The following TEKT5 variants were observed in gnomAD, a reference collection of about 807,000 sequenced individuals.
TEKT5 encodes the protein tektin 5.
In TEKT5, 52 loss-of-function variants were observed where a neutral mutation model predicts 48.7. The ratio of observed to expected loss-of-function variants is 1.07; its 90% CI spans 0.86 to 1.35. TEKT5 has a LOEUF of 1.35. Ranked by LOEUF, TEKT5 falls within the 40% of genes most tolerant of loss-of-function variation. TEKT5 has a pLI of 0.00. For synonymous variants in TEKT5, 318 were observed against 267.6 expected (o/e 1.19, Z -1.84); for missense variants, 831 against 641.6 (o/e 1.30, Z -3.19).
chr16:10,628,715 G>T (rs947398688), intron 6 of TEKT5, among the ~76,000 whole-genome samples: 4 of 152,034 alleles, frequency 2.6e-5, no homozygotes, highest in Non-Finnish European at 5.9e-5. Flanking sequence ...GACCAGCCTG[G>T]CCAACATGGT....
At chr16:10,681,464 G>A (rs1596417439) in intron 4 of TEKT5, among the ~76,000 whole-genome samples, 2 of 151,796 alleles carry the variant, frequency 1.3e-5, no homozygotes, top group African/African-American at 4.8e-5. Context: ...CTCCAGCCTT[G>A]GCCTCCCAAA....
At chr16:10,661,705 T>C (rs1898374494) in intron 5 of TEKT5, among the ~76,000 whole-genome samples, 1 of 152,180 alleles carries the variant, frequency 6.6e-6, no homozygotes, top group South Asian at 2.1e-4. Flanking sequence ...CCAGTGGTAT[T>C]CGGATTCCAG....
intron 5 of TEKT5, among the ~76,000 whole-genome samples, chr16:10,660,437 C>T (rs756899540): frequency 9.9e-5 from 15 of 151,982 alleles, no homozygotes; most frequent in Non-Finnish European, 1.6e-4. Context: ...AAAGGTCAGT[C>T]AGGAGGCCCA....
intron 3 of TEKT5, among the ~76,000 whole-genome samples, chr16:10,683,686 G>T (rs1006309208): frequency 4.6e-5 from 7 of 152,160 alleles, no homozygotes; most frequent in African/African-American, 1.7e-4. Context: ...CGCCTCCTGG[G>T]TTCAAGGGGT....
chr16:10,631,750 G>A (rs57072974), intron 6 of TEKT5, among the ~76,000 whole-genome samples: 6,370 of 152,208 alleles, frequency 0.042, 174 homozygotes, highest in South Asian at 0.074. Flanking sequence ...GGAGCGATGC[G>A]GCTACAAGCT....
intron 5 of TEKT5, among the ~76,000 whole-genome samples, chr16:10,645,418 G>A (rs892461061): frequency 6.6e-6 from 1 of 152,038 alleles, no homozygotes; most frequent in African/African-American, 2.4e-5. Flanking sequence ...AGGCTGAGGT[G>A]GGAGGACTGC....
Position 10,694,483 on chromosome 16 carries a change from G to A in TEKT5, c.391C>T (p.His131Tyr), listed in dbSNP as rs757716080. ...CGGCAGGTGCCCTCCTGCATCTGGT[G>A]CGTCAGCTGGTCCTTGTCCTGCAAG... is the stretch of plus-strand genomic sequence containing the variant. ...RLLQDKDQLT[H>Y]QMQEGTCRNL... Residue 131 changes from histidine (H) to tyrosine (Y), a missense_variant, in exon 1 of 7, where the codon CAC (histidine) becomes TAC (tyrosine). His to Tyr is a moderately conservative substitution (Grantham distance 83). Coordinates refer to ENST00000283025, the MANE Select transcript of TEKT5 (RefSeq NM_144674.2). 6 of 1,613,900 alleles carry A rather than the reference G, an allele frequency of 3.7e-6. No homozygotes were observed. Among genetic ancestry groups the A allele is most frequent in the Non-Finnish European group, 4.2e-6 (5 of 1,179,910 alleles).
At chr16:10,652,229 A>G (rs1898170437) in intron 5 of TEKT5, among the ~76,000 whole-genome samples, 2 of 152,048 alleles carry the variant, frequency 1.3e-5, no homozygotes, top group African/African-American at 4.8e-5. Flanking sequence ...CGGCACACAG[A>G]GCTGGCAGAC....
At chr16:10,690,176 C>A in intron 1 of TEKT5, 151 bp from the exon 2 acceptor site, 2 of 695,138 alleles carry the variant, frequency 2.9e-6, no homozygotes, top group Non-Finnish European at 4.8e-6. Flanking sequence ...ATTGGATGGG[C>A]TTCTGCCTCC....
chr16:10,686,040 C>A (rs1438424058), intron 3 of TEKT5, among the ~76,000 whole-genome samples: 1 of 152,128 alleles, frequency 6.6e-6, no homozygotes, highest in Non-Finnish European at 1.5e-5. Flanking sequence ...CACATCCCAT[C>A]GCAGCTACAA....
chr16:10,629,582 C>T (rs531349206), intron 6 of TEKT5, among the ~76,000 whole-genome samples: 6 of 152,222 alleles, frequency 3.9e-5, no homozygotes, highest in Non-Finnish European at 7.4e-5. Context: ...GATAACAGGG[C>T]CAGCCTTGTC....
intron 3 of TEKT5, among the ~76,000 whole-genome samples, chr16:10,685,163 G>A (rs1898840230): frequency 6.6e-6 from 1 of 152,200 alleles, no homozygotes; most frequent in African/African-American, 2.4e-5. Context: ...TCTCCACAAA[G>A]TGAAATGCTG....
intron 6 of TEKT5, among the ~76,000 whole-genome samples, chr16:10,631,175 G>C (rs1802339560): frequency 6.8e-6 from 1 of 147,950 alleles, no homozygotes; most frequent in Non-Finnish European, 1.5e-5. Context: ...AGAATTGCTT[G>C]AACCCGGGAG....
At position 10,681,856 on chromosome 16, in the gene TEKT5, G is replaced by A. The variant is rs532740061; in HGVS notation, c.863+137C>T. 3.6e-5 allele frequency: 43 copies of A among 1,195,896 alleles called. 1 individual carries two copies. In the South Asian group the frequency reaches 4.7e-4, roughly 13 times the overall value. 74.1% of individuals were successfully genotyped at this position (1,195,896 alleles called of 1,614,324 possible). A position where few individuals can be genotyped will look rare whatever the true frequency, so the allele number is the denominator to read the frequency against. ...ACCCGACTTGGATTCTGCCGCCTGCGCTAGAGGATCCCCGTTCAACCATGC... is the reference window on the plus strand; with the variant it reads ...ACCCGACTTGGATTCTGCCGCCTGCACTAGAGGATCCCCGTTCAACCATGC... On this transcript the variant is annotated intron_variant, in intron 4 of 6. Transcript: ENST00000283025.
At chr16:10,676,530 C>T (rs770739277) in intron 4 of TEKT5, among the ~76,000 whole-genome samples, 2 of 152,168 alleles carry the variant, frequency 1.3e-5, no homozygotes, top group African/African-American at 4.8e-5. Context: ...CAGAAGGGCA[C>T]TCAGTGAGTG....
intron 5 of TEKT5, among the ~76,000 whole-genome samples, chr16:10,652,565 T>C (rs1242872141): frequency 2.8e-5 from 2 of 71,868 alleles, no homozygotes; most frequent in Non-Finnish European, 5.3e-5. Flanking sequence ...ACACACCCCC[T>C]CCAGGCCAGG....
At chr16:10,684,544 C>G (rs553441337) in intron 3 of TEKT5, among the ~76,000 whole-genome samples, 1 of 152,100 alleles carries the variant, frequency 6.6e-6, no homozygotes, top group Non-Finnish European at 1.5e-5. Context: ...ACCCCAGTCC[C>G]GGGGCCCTTG....
At chr16:10,628,862 C>A (rs1323485666) in intron 6 of TEKT5, among the ~76,000 whole-genome samples, 2 of 140,930 alleles carry the variant, frequency 1.4e-5, no homozygotes, top group African/African-American at 5.5e-5. Flanking sequence ...GCTGAGATCA[C>A]ATCATTGCAC....
intron 4 of TEKT5, among the ~76,000 whole-genome samples, chr16:10,679,539 T>TAA (rs1417186827): frequency 6.6e-6 from 1 of 151,678 alleles, no homozygotes; most frequent in Admixed American, 6.6e-5. Flanking sequence ...TGAATAGAGA[T>TAA]ACTGCAATTC....
Sources: allele counts gnomAD v4.1 joint callset (sites outside exome capture counted in the v4.1 genomes callset), GRCh38; gene constraint gnomAD v4.1.1; transcripts MANE v1.5; gene names NCBI Gene and HGNC (gene_info 2026-07-23, HGNC 2026-07-21).